The following ARHGAP45 variants were observed in gnomAD, a reference collection of about 807,000 sequenced individuals.
ARHGAP45 encodes Rho GTPase activating protein 45.
ARHGAP45 carries 56 observed loss-of-function variants against 116.1 expected under a neutral mutation model. That is an observed-to-expected ratio of 0.48 (90% confidence interval 0.39 to 0.60). The LOEUF is 0.60. ARHGAP45 is among the 20% of genes least tolerant of loss of function. ARHGAP45 has a pLI of 0.00. For missense variants in ARHGAP45, 1,622 were observed against 1,601.0 expected, an observed-to-expected ratio of 1.01 and a Z score of -0.22; for synonymous variants, 866 against 701.7, an observed-to-expected ratio of 1.23 and a Z score of -3.70.
rs536773524 is a variant in ARHGAP45 at position 1,082,888 on chromosome 19, C to T, written c.2566C>T (p.Leu856=). ...CCGCCTCTACCACGAGCTCGTAGGG[C>T]TGGCCAAGGACAGCCTGAAGGCAGA... ...SFRLYHELVG[L]AKDSLKAEAE... Residue 856 remains leucine (L), a synonymous_variant, in exon 20 of 23, where the codon CTG becomes TTG. Transcript: ENST00000313093. The T allele has an allele frequency of 3.2e-5, 50 of 1,585,766 alleles. No individual in the cohort carries two copies. Among genetic ancestry groups the T allele is most frequent in the Non-Finnish European group, 3.9e-5 (45 of 1,166,166 alleles).
chr19:1,073,365 T>G, intron 3 of ARHGAP45, 73 bp downstream of exon 3: 1 of 1,593,750 alleles, frequency 6.3e-7, no homozygotes, highest in Non-Finnish European at 8.6e-7. Context: ...ATGTTTGAAG[T>G]GGGTTTTGAA....
intron 7 of ARHGAP45, 38 bp downstream of exon 7, chr19:1,074,279 A>AG: frequency 6.2e-7 from 1 of 1,611,902 alleles, no homozygotes; most frequent in Non-Finnish European, 8.5e-7. Context: ...GTCTGGAGGG[A>AG]GGGGGTTCTG....
rs1265226767 is a variant in ARHGAP45 at position 1,067,350 on chromosome 19, G to A, written c.-56G>A. The A allele has an allele frequency of 3.4e-6, 5 of 1,492,160 alleles. No homozygotes were observed. Among genetic ancestry groups the A allele is most frequent in the Admixed American group, 2.5e-5 (1 of 39,778 alleles). 92.4% of individuals were successfully genotyped at this position (1,492,160 alleles called of 1,614,324 possible). On this transcript the variant is annotated 5_prime_UTR_variant, in exon 1 of 23. Coordinates refer to ENST00000313093, the MANE Select transcript of ARHGAP45 (RefSeq NM_012292.5). ...GGTCCCGAAGCGGCCAGCGCCGGGAGCTGCAGCGCTGAGACCCCCAGCCCG... is the reference window on the plus strand; with the variant it reads ...GGTCCCGAAGCGGCCAGCGCCGGGAACTGCAGCGCTGAGACCCCCAGCCCG...
At chr19:1,085,613 C>G in intron 22 of ARHGAP45, 47 bp from the exon 23 acceptor site, 2 of 1,391,548 alleles carry the variant, frequency 1.4e-6, no homozygotes, top group Non-Finnish European at 1.9e-6. Context: ...TGTCTCTCCT[C>G]CATCTCTCCT....
intron 15 of ARHGAP45, 49 bp from the exon 16 acceptor site, chr19:1,080,632 AG>A: frequency 6.2e-7 from 1 of 1,604,316 alleles, no homozygotes; most frequent in Non-Finnish European, 8.5e-7. Context: ...GGGGTGATGG[AG>A]GGGGCCCCCC....
At chr19:1,084,535 G>A (rs1029247442) in intron 22 of ARHGAP45, among the ~76,000 whole-genome samples, 189 bp downstream of exon 22, 1 of 152,242 alleles carries the variant, frequency 6.6e-6, no homozygotes, top group Non-Finnish European at 1.5e-5. Context: ...TGCAAAAACA[G>A]GCAAGGCAGT....
chr19:1,080,572 G>A (rs369055333), intron 15 of ARHGAP45, 25 bp downstream of exon 15: 12 of 1,610,924 alleles, frequency 7.4e-6, no homozygotes, highest in Non-Finnish European at 1.0e-5. Flanking sequence ...CTGGCGGGCT[G>A]GGGTGTGGAG....
intron 5 of ARHGAP45, 37 bp from the exon 6 acceptor site, chr19:1,073,911 G>A (rs963552843): frequency 1.4e-5 from 21 of 1,531,574 alleles, no homozygotes; most frequent in South Asian, 6.1e-5. Context: ...CCAGGGCCCC[G>A]CATGGGGCTG....
upstream of ARHGAP45, chr19:1,066,166 A>G (rs1055783745): frequency 2.1e-6 from 3 of 1,429,136 alleles, no homozygotes; most frequent in Non-Finnish European, 2.8e-6. Context: ...CACCCGAGGT[A>G]GGTGGGAATG....
chr19:1,066,414 A>T, upstream of ARHGAP45: 1 of 541,020 alleles, frequency 1.8e-6, no homozygotes, highest in East Asian at 3.2e-5. Flanking sequence ...GGTGGTCCAG[A>T]GTCACTGGAA....
intron 11 of ARHGAP45, 53 bp from the exon 12 acceptor site, chr19:1,079,650 A>T: frequency 6.3e-7 from 1 of 1,586,966 alleles, no homozygotes. Flanking sequence ...TTTCTGTCTG[A>T]GTCCTGCACC....
At chr19:1,067,030 C>A, upstream of ARHGAP45, 1 of 303,800 alleles carries the variant, frequency 3.3e-6, no homozygotes, top group Non-Finnish European at 4.9e-6. Context: ...CTGCAGTCGG[C>A]CGCCCCGTGC....
In ARHGAP45 at chr19:1,069,554, G is replaced by A. The variant is rs3848641; in HGVS notation, c.421+810G>A. ...CCCCTGGCTCACCCAGCCAGGGCAG[G>A]GCAGAGCCAGGACTGGACCTCAAGT... is the stretch of plus-strand genomic sequence containing the variant. On this transcript the variant is annotated intron_variant, in intron 2 of 22. Transcript: ENST00000313093. The surrounding 1 kb of genome is among the most constrained non-coding windows in gnomAD (Gnocchi z 4.1). 0.034 allele frequency among the ~76,000 whole-genome samples: 5,129 copies of A among 152,130 alleles called. 182 individuals are homozygous for A. The highest frequency in any genetic ancestry group is 0.19 in the East Asian group (983 of 5,156).
At chr19:1,067,673 C>T (rs990026054) in intron 1 of ARHGAP45, 178 bp downstream of exon 1, 14 of 724,952 alleles carry the variant, frequency 1.9e-5, no homozygotes, top group Admixed American at 8.0e-5. Flanking sequence ...ATTCAGCTCA[C>T]GGTAGGGACC....
chr19:1,085,340 C>G (rs1023015545), intron 22 of ARHGAP45, among the ~76,000 whole-genome samples: 1 of 152,178 alleles, frequency 6.6e-6, no homozygotes, highest in South Asian at 2.1e-4. Context: ...CCATCCTCCA[C>G]CAGCTCCCTC....
chr19:1,073,388 G>A, intron 3 of ARHGAP45, 96 bp downstream of exon 3: 1 of 1,577,478 alleles, frequency 6.3e-7, no homozygotes, highest in Non-Finnish European at 8.6e-7. Flanking sequence ...ATGCATAGGA[G>A]TTTGACAGGC....
chr19:1,078,084 G>A (rs956777428), intron 11 of ARHGAP45, 39 bp downstream of exon 11: 1 of 1,527,936 alleles, frequency 6.5e-7, no homozygotes, highest in African/African-American at 1.4e-5. Context: ...GTCCCTGGAG[G>A]AGGAGATCCA....
chr19:1,079,451 C>T (rs1357251190), intron 11 of ARHGAP45, among the ~76,000 whole-genome samples: 1 of 148,886 alleles, frequency 6.7e-6, no homozygotes, highest in Non-Finnish European at 1.5e-5. Flanking sequence ...TTGCAGTGAG[C>T]TGAGATCGTA....
At chr19:1,083,421 A>G in intron 21 of ARHGAP45, 68 bp downstream of exon 21, 2 of 1,380,684 alleles carry the variant, frequency 1.4e-6, no homozygotes, top group East Asian at 2.5e-5. Flanking sequence ...TGCTGGGGAC[A>G]GTCGTTGTCG....
Sources: allele counts gnomAD v4.1 joint callset (sites outside exome capture counted in the v4.1 genomes callset), GRCh38; gene constraint gnomAD v4.1.1; non-coding constraint Gnocchi (gnomAD v3.1); transcripts MANE v1.5; gene names NCBI Gene and HGNC (gene_info 2026-07-23, HGNC 2026-07-21).